GALNT13: variants seen among roughly 807,000 people sequenced by gnomAD.
The protein encoded by GALNT13 is UDP-GalNAc:polypeptide N-acetylgalactosaminyltransferase 13.
GALNT13 carries 28 observed loss-of-function variants against 64.2 expected under a neutral mutation model. The observed-to-expected ratio is 0.44, with a 90% CI of 0.32 to 0.60. The LOEUF (loss-of-function observed/expected upper bound fraction) is 0.60, where lower values mean the gene tolerates loss of function less well. GALNT13 is among the 20% of genes least tolerant of loss of function. GALNT13 has a pLI of 0.05. For synonymous variants in GALNT13, 214 were observed against 224.6 expected (o/e 0.95, Z 0.42); for missense variants, 577 against 669.8 (o/e 0.86, Z 1.53).
chr2:153,930,838 G>GT (rs1690463956), intron 2 of GALNT13, among the ~76,000 whole-genome samples: 1 of 151,970 alleles, frequency 6.6e-6, no homozygotes, highest in Non-Finnish European at 1.5e-5. Context: ...CTTTAGAATA[G>GT]TTTTTTTCTA....
At chr2:153,279,312 G>T in the GALNT13 span, among the ~76,000 whole-genome samples, 4 of 152,128 alleles carry the variant, frequency 2.6e-5, no homozygotes, top group Non-Finnish European at 4.4e-5. Context: ...AAGAGAGGTA[G>T]TTCCACTCTC....
chr2:153,398,299 C>T, the GALNT13 span, among the ~76,000 whole-genome samples: 5 of 152,130 alleles, frequency 3.3e-5, no homozygotes, highest in Admixed American at 2.6e-4. Flanking sequence ...ATATGTGCCA[C>T]ATTTTCTTAA....
chr2:153,799,273 A>G, the GALNT13 span, among the ~76,000 whole-genome samples: 1 of 152,084 alleles, frequency 6.6e-6, no homozygotes, highest in African/African-American at 2.4e-5. Flanking sequence ...ATCTTGCTTC[A>G]TTGACCTGGA....
At chr2:153,182,710 G>T in the GALNT13 span, among the ~76,000 whole-genome samples, 2 of 152,198 alleles carry the variant, frequency 1.3e-5, no homozygotes, top group South Asian at 4.1e-4. Context: ...AGAACATGAG[G>T]TGTTTGGTTT....
chr2:153,366,550 T>C, the GALNT13 span, among the ~76,000 whole-genome samples: 1 of 151,968 alleles, frequency 6.6e-6, no homozygotes, highest in African/African-American at 2.4e-5. Context: ...TAAAATACTC[T>C]AATACATTTG....
At chr2:153,360,313 A>T in the GALNT13 span, among the ~76,000 whole-genome samples, 1 of 152,208 alleles carries the variant, frequency 6.6e-6, no homozygotes, top group Admixed American at 6.5e-5. Flanking sequence ...TAGTGAGCCC[A>T]TACTACTGGG....
chr2:153,342,215 T>C, the GALNT13 span, among the ~76,000 whole-genome samples: 1 of 152,226 alleles, frequency 6.6e-6, no homozygotes, highest in South Asian at 2.1e-4. Context: ...ACATTCCTAA[T>C]AAAAGCAAGG....
At chr2:153,494,503 A>G in the GALNT13 span, among the ~76,000 whole-genome samples, 1 of 152,046 alleles carries the variant, frequency 6.6e-6, no homozygotes, top group African/African-American at 2.4e-5. Context: ...AAACAATCCA[A>G]TGGGGAAGGG....
chr2:154,008,145 A>G (rs1248833679), intron 3 of GALNT13, among the ~76,000 whole-genome samples: 2 of 152,172 alleles, frequency 1.3e-5, no homozygotes, highest in Admixed American at 6.6e-5. Context: ...AAATTCCAGT[A>G]CTATTTTGAA....
At chr2:153,608,760 T>C in the GALNT13 span, among the ~76,000 whole-genome samples, 1 of 147,762 alleles carries the variant, frequency 6.8e-6, no homozygotes, top group Non-Finnish European at 1.5e-5. Context: ...TATAAGTAAA[T>C]AATTTTATAT....
the GALNT13 span, among the ~76,000 whole-genome samples, chr2:153,126,741 T>C: frequency 2.0e-5 from 3 of 152,156 alleles, no homozygotes; most frequent in African/African-American, 7.2e-5. Flanking sequence ...AGTTTGAAAA[T>C]GACTTATTTA....
the GALNT13 span, among the ~76,000 whole-genome samples, chr2:153,619,767 A>C: frequency 1.3e-5 from 2 of 152,006 alleles, no homozygotes. Flanking sequence ...GTGTCATACC[A>C]CCCTCTCCTG....
chr2:153,534,650 A>C, the GALNT13 span, among the ~76,000 whole-genome samples: 79 of 151,634 alleles, frequency 5.2e-4, 1 homozygote, highest in East Asian at 0.013. Context: ...GGGTAGGTAA[A>C]GGAAAATTAC....
At chr2:153,278,252 T>A in the GALNT13 span, among the ~76,000 whole-genome samples, 1 of 152,080 alleles carries the variant, frequency 6.6e-6, no homozygotes, top group Non-Finnish European at 1.5e-5. Flanking sequence ...TTTCAGGGTA[T>A]TAAACCTCTG....
intron 4 of GALNT13, among the ~76,000 whole-genome samples, chr2:154,170,901 A>G (rs968865825): frequency 6.6e-5 from 10 of 152,186 alleles, no homozygotes; most frequent in Non-Finnish European, 1.0e-4. Flanking sequence ...AATACTCTGG[A>G]ACAACTTGGG....
At chr2:153,141,949 T>C in the GALNT13 span, among the ~76,000 whole-genome samples, 1 of 151,984 alleles carries the variant, frequency 6.6e-6, no homozygotes, top group Admixed American at 6.6e-5. Context: ...ACCAAAAATA[T>C]CAAGCAATAC....
intron 3 of GALNT13, among the ~76,000 whole-genome samples, chr2:154,019,695 T>G (rs1487475300): frequency 3.4e-5 from 5 of 148,906 alleles, no homozygotes; most frequent in South Asian, 2.2e-4. Context: ...TTTTTTGTTT[T>G]TTTTGTTTTT....
At chr2:153,938,055 A>C (rs1009434899) in intron 2 of GALNT13, among the ~76,000 whole-genome samples, 2 of 152,188 alleles carry the variant, frequency 1.3e-5, no homozygotes, top group African/African-American at 2.4e-5. Flanking sequence ...ACTTTATTCA[A>C]AGATTATTAT....
At chr2:154,441,140 C>T (rs557504708) in intron 12 of GALNT13, among the ~76,000 whole-genome samples, 1 of 152,124 alleles carries the variant, frequency 6.6e-6, no homozygotes, top group East Asian at 1.9e-4. Flanking sequence ...AGGACAGGGT[C>T]AAATATCTAT....
Sources: gnomAD v4.1 joint callset for allele counts (sites outside exome capture counted in the v4.1 genomes callset) on GRCh38, gnomAD v4.1.1 for gene constraint, MANE v1.5 for transcripts, NCBI Gene and HGNC (gene_info 2026-07-23, HGNC 2026-07-21) for gene names.